Variants in NDRG1 observed in about 807,000 individuals in gnomAD.
NDRG1 encodes the protein protein NDRG1.
NDRG1 carries 32 observed loss-of-function variants against 56.9 expected under a neutral mutation model. The ratio of observed to expected loss-of-function variants is 0.56; its 90% CI spans 0.42 to 0.76. The LOEUF (loss-of-function observed/expected upper bound fraction) is 0.76. Among genes scored for constraint, NDRG1 ranks in the 30% least tolerant of loss-of-function variants. The pLI is 0.00. For missense variants in NDRG1, 507 were observed against 545.7 expected (o/e 0.93, Z 0.71); for synonymous variants, 211 against 204.1 (o/e 1.03, Z -0.29).
chr8:133,259,302 G>C, intron 5 of NDRG1, 72 bp from the exon 6 acceptor site: 1 of 1,475,782 alleles, frequency 6.8e-7, no homozygotes, highest in Non-Finnish European at 9.5e-7. Context: ...GGACACGCTT[G>C]AAGGGTGGGG....
At position 133,239,068 on chromosome 8, in the gene NDRG1, G is replaced by A. The variant is rs1354855127; in HGVS notation, c.995C>T (p.Ser332Phe). Residue 332 changes from serine (S) to phenylalanine (F), a missense_variant, in exon 16 of 16, where the codon TCC (serine) becomes TTC (phenylalanine). By Grantham distance (155) the Ser-to-Phe change is radical. Transcript: ENST00000323851. ...GGTGCCATCCAGAGAAGTGACGCTG[G>A]AACCAGAGGCTGTGCGGGACCGCAT... ...RLMRSRTASG[S>F]SVTSLDGTRS... 1 of 1,585,152 alleles carries A rather than the reference G, an allele frequency of 6.3e-7. No individual in the cohort carries two copies. The highest frequency in any genetic ancestry group is 1.8e-5 in the Admixed American group (1 of 54,538).
In NDRG1 at chr8:133,289,306, T is replaced by G. The variant is rs185620490; in HGVS notation, c.-18-4977A>C. Among the ~76,000 whole-genome samples the G allele has an allele frequency of 2.2e-3, 336 of 152,262 alleles. 4 individuals carry two copies. Among genetic ancestry groups the G allele is most frequent in the African/African-American group, 7.6e-3 (316 of 41,546 alleles). On this transcript the variant is annotated intron_variant, in intron 1 of 15. Coordinates refer to ENST00000323851, the MANE Select transcript of NDRG1 (RefSeq NM_006096.4). ...CAGCAGTGGGGCTTAAATTCAAGAA[T>G]GGCATGGAGAATTAAGCAAACAGTT...
Position 133,258,352 on chromosome 8 carries a change from G to A in NDRG1, c.450+14C>T, listed in dbSNP as rs1045676659. ...ATTTAAAATGCGATTTTCAAAAAATGCCAAAGCACTCACAGCAAATCGAGT... is the reference window on the plus strand; with the variant it reads ...ATTTAAAATGCGATTTTCAAAAAATACCAAAGCACTCACAGCAAATCGAGT... On this transcript the variant is annotated intron_variant, in intron 7 of 15. Transcript: ENST00000323851. 16 of 1,608,246 alleles carry A rather than the reference G, an allele frequency of 9.9e-6. No homozygotes were observed. The highest frequency in any genetic ancestry group is 1.2e-5 in the Non-Finnish European group (14 of 1,177,208).
chr8:133,296,226 G>C (rs1450787277), intron 1 of NDRG1, among the ~76,000 whole-genome samples: 1 of 151,454 alleles, frequency 6.6e-6, no homozygotes, highest in Non-Finnish European at 1.5e-5. Flanking sequence ...TGGAGGGCAG[G>C]AGCGGCCAGC....
chr8:133,273,099 C>A (rs1306575577), intron 3 of NDRG1, among the ~76,000 whole-genome samples: 1 of 152,182 alleles, frequency 6.6e-6, no homozygotes, highest in Non-Finnish European at 1.5e-5. Flanking sequence ...TGCCCCAGCC[C>A]CCTCCACCAC....
chr8:133,295,221 G>A (rs1017863895), intron 1 of NDRG1, among the ~76,000 whole-genome samples: 2 of 152,204 alleles, frequency 1.3e-5, no homozygotes, highest in African/African-American at 4.8e-5. Flanking sequence ...GAATGGGGCA[G>A]AAGACCCAGA....
At position 133,254,683 on chromosome 8, in the gene NDRG1, G is replaced by T. The variant is rs990557339; in HGVS notation, c.538-88C>A. 19 of 1,377,790 alleles carry T rather than the reference G, an allele frequency of 1.4e-5. No homozygotes were observed. The Admixed American group carries it at 3.6e-4, about 26-fold the overall frequency. The allele number at this position is 1,377,790 out of a possible 1,614,324, so 85.3% of individuals were successfully genotyped here. A position where few individuals can be genotyped will look rare whatever the true frequency, so the allele number is the denominator to read the frequency against. Reference sequence around the variant, plus strand: ...AAAACCCCACTTCCCTGGGTGCAGGGTGGCATTGCTGGACTCCCCCCTACA... The same window carrying T: ...AAAACCCCACTTCCCTGGGTGCAGGTTGGCATTGCTGGACTCCCCCCTACA... On this transcript the variant is annotated intron_variant, in intron 8 of 15. Transcript: ENST00000323851.
At chr8:133,274,783 G>A (rs1028713352) in intron 3 of NDRG1, among the ~76,000 whole-genome samples, 2 of 152,190 alleles carry the variant, frequency 1.3e-5, no homozygotes, top group Non-Finnish European at 2.9e-5. Context: ...CATCACGGTT[G>A]AGAGAACTGT....
chr8:133,269,920 G>A (rs1195913053), intron 3 of NDRG1, among the ~76,000 whole-genome samples: 3 of 152,222 alleles, frequency 2.0e-5, no homozygotes, highest in Non-Finnish European at 4.4e-5. Flanking sequence ...CAAACTGCAC[G>A]CATGTGTGTC....
Position 133,246,484 on chromosome 8 carries a change from ATAGAT to A in NDRG1, c.855+127_855+131del, listed in dbSNP as rs1166658212. ...GCACCCAATATATGTTCATAAACAGATAGATTAAATCATTAATTCTATAGTTTCTG... is the reference window on the plus strand; with the variant it reads ...GCACCCAATATATGTTCATAAACAGATAAATCATTAATTCTATAGTTTCTG... On this transcript the variant is annotated intron_variant, in intron 13 of 15. Coordinates refer to ENST00000323851, the MANE Select transcript of NDRG1 (RefSeq NM_006096.4). 7 of 994,966 alleles carry A rather than the reference ATAGAT, an allele frequency of 7.0e-6. No individual in the cohort carries two copies. In the African/African-American group the frequency reaches 1.1e-4, roughly 16 times the overall value. 61.6% of individuals were successfully genotyped at this position (994,966 alleles called of 1,614,324 possible).
At chr8:133,257,341 C>T (rs1184407244) in intron 7 of NDRG1, among the ~76,000 whole-genome samples, 3 of 151,536 alleles carry the variant, frequency 2.0e-5, no homozygotes, top group African/African-American at 4.9e-5. Context: ...AGTTATGCAT[C>T]GCTGAATAAC....
intron 1 of NDRG1, among the ~76,000 whole-genome samples, chr8:133,292,155 T>C (rs1586504732): frequency 1.3e-5 from 2 of 152,268 alleles, no homozygotes; most frequent in Admixed American, 6.5e-5. Context: ...TTTTGTGAAA[T>C]TGCAAGACAG....
intron 8 of NDRG1, chr8:133,255,238 C>G (rs920632670): frequency 4.4e-6 from 2 of 455,492 alleles, no homozygotes; most frequent in Admixed American, 2.4e-5. Context: ...CCTGCCACAG[C>G]CTAGCTGTGT....
intron 3 of NDRG1, among the ~76,000 whole-genome samples, chr8:133,270,212 C>T (rs934378037): frequency 8.5e-5 from 13 of 152,178 alleles, no homozygotes; most frequent in South Asian, 2.1e-4. Context: ...AACCATGGCA[C>T]GTACCACTAT....
At chr8:133,268,887 A>ACACACAACAAACACACCCAC (rs1254808140) in intron 3 of NDRG1, among the ~76,000 whole-genome samples, 3 of 149,858 alleles carry the variant, frequency 2.0e-5, no homozygotes, top group East Asian at 1.9e-4. Flanking sequence ...ACACACACAC[A>ACACACAACAAACACACCCAC]CAACAAACAC....
intron 8 of NDRG1, chr8:133,255,560 T>A: frequency 3.0e-6 from 1 of 331,554 alleles, no homozygotes; most frequent in Non-Finnish European, 6.0e-6. Context: ...CCCAGCGGGT[T>A]GACTGGAATG....
chr8:133,274,127 C>T (rs921475657), intron 3 of NDRG1, among the ~76,000 whole-genome samples: 4 of 152,126 alleles, frequency 2.6e-5, no homozygotes, highest in Non-Finnish European at 5.9e-5. Flanking sequence ...TCACTTTGCC[C>T]GAACATCACC....
chr8:133,246,553 G>T, intron 13 of NDRG1, 63 bp downstream of exon 13: 1 of 1,531,880 alleles, frequency 6.5e-7, no homozygotes, highest in Non-Finnish European at 9.1e-7. Context: ...ACTCAATGTT[G>T]CAGAAAACGT....
chr8:133,273,576 G>A (rs1054733002), intron 3 of NDRG1, among the ~76,000 whole-genome samples: 7 of 152,178 alleles, frequency 4.6e-5, no homozygotes, highest in South Asian at 2.1e-4. Context: ...GGTTTCTGAC[G>A]TACAGCAGAG....
Sources: gnomAD v4.1 joint callset for allele counts (sites outside exome capture counted in the v4.1 genomes callset) on GRCh38, gnomAD v4.1.1 for gene constraint, MANE v1.5 for transcripts, NCBI Gene and HGNC (gene_info 2026-07-23, HGNC 2026-07-21) for gene names.